The following MGAT4C variants were observed in gnomAD, a reference collection of about 807,000 sequenced individuals.
MGAT4C encodes MGAT4 family member C.
Under a neutral mutation model 40.1 loss-of-function variants are expected in MGAT4C, and 19 were observed. That is an observed-to-expected ratio of 0.47 (90% CI 0.33 to 0.70). MGAT4C has a LOEUF of 0.70. Among genes scored for constraint, MGAT4C ranks in the 30% least tolerant of loss-of-function variants. The pLI is 0.02. For synonymous variants in MGAT4C, 181 were observed against 187.1 expected (o/e 0.97, Z 0.27); for missense variants, 491 against 563.2 (o/e 0.87, Z 1.30).
At chr12:86,326,504 T>C (rs1013685878) in intron 4 of MGAT4C, among the ~76,000 whole-genome samples, 1 of 152,078 alleles carries the variant, frequency 6.6e-6, no homozygotes, top group Non-Finnish European at 1.5e-5. Context: ...CAAAGAGAAA[T>C]AAAGCATTAT....
At chr12:86,318,864 C>G (rs1954307759) in intron 4 of MGAT4C, among the ~76,000 whole-genome samples, 1 of 152,142 alleles carries the variant, frequency 6.6e-6, no homozygotes, top group African/African-American at 2.4e-5. Context: ...TTATCACTCT[C>G]AAGAGGTGAG....
chr12:86,111,986 A>T (rs527916843), intron 1 of MGAT4C, among the ~76,000 whole-genome samples: 1 of 152,010 alleles, frequency 6.6e-6, no homozygotes, highest in Non-Finnish European at 1.5e-5. Context: ...AATGCCAAAT[A>T]TGTATGTACA....
intron 2 of MGAT4C, among the ~76,000 whole-genome samples, chr12:86,669,639 T>C (rs1184431262): frequency 6.6e-6 from 1 of 152,248 alleles, no homozygotes; most frequent in Non-Finnish European, 1.5e-5. Flanking sequence ...TGTCTGCCAC[T>C]GGGGGACCTG....
At chr12:86,057,344 G>A (rs1893508820) in intron 1 of MGAT4C, among the ~76,000 whole-genome samples, 1 of 152,058 alleles carries the variant, frequency 6.6e-6, no homozygotes, top group South Asian at 2.1e-4. Context: ...ATGAAACTCT[G>A]CTGCCAAAAG....
At chr12:86,168,020 G>A (rs1018837723) in intron 1 of MGAT4C, among the ~76,000 whole-genome samples, 4 of 151,644 alleles carry the variant, frequency 2.6e-5, no homozygotes, top group Admixed American at 2.0e-4. Flanking sequence ...TTCATAAGAA[G>A]GTAGACCAAC....
chr12:86,478,081 G>A (rs1019634754), intron 2 of MGAT4C, among the ~76,000 whole-genome samples: 3 of 152,054 alleles, frequency 2.0e-5, no homozygotes, highest in Non-Finnish European at 4.4e-5. Context: ...CAAGATCACT[G>A]TAGATTAAAA....
rs1295190275 is a variant in MGAT4C, at chr12:85,965,863, A to T, written c.*13426T>A. On this transcript the variant is annotated 3_prime_UTR_variant, in exon 5 of 5. Coordinates refer to ENST00000611864, the MANE Select transcript of MGAT4C (RefSeq NM_001351288.2). ...TTTTACTTATCTGTATTATTTCTCC[A>T]TTTAAAAGTGGACAAATTTTTATAC... 5.3e-5 allele frequency: 8 copies of T among 152,088 alleles called. No individual in the cohort carries two copies. The highest frequency in any genetic ancestry group is 1.0e-4 in the Non-Finnish European group (7 of 68,020). 9.4% of individuals were successfully genotyped at this position (152,088 alleles called of 1,614,324 possible).
At chr12:86,447,463 A>G (rs1957359348) in intron 2 of MGAT4C, among the ~76,000 whole-genome samples, 2 of 152,192 alleles carry the variant, frequency 1.3e-5, no homozygotes, top group Non-Finnish European at 2.9e-5. Context: ...CAACTTGGCT[A>G]TCCAAGTAAC....
At chr12:86,181,128 G>A (rs189201277) in intron 1 of MGAT4C, among the ~76,000 whole-genome samples, 33 of 152,096 alleles carry the variant, frequency 2.2e-4, no homozygotes, top group Middle Eastern at 3.4e-3. Context: ...GTGTTTCCAC[G>A]TTTTCTTCTT....
In MGAT4C at chr12:86,608,863, C is replaced by T. The variant is rs974222481; in HGVS notation, c.-229+118346G>A. 3.0e-4 allele frequency among the ~76,000 whole-genome samples: 46 copies of T among 152,108 alleles called. 1 individual carries two copies. The highest frequency in any genetic ancestry group is 1.1e-3 in the African/African-American group (45 of 41,430). On this transcript the variant is annotated intron_variant, in intron 2 of 7. Coordinates refer to the MGAT4C transcript ENST00000548651. ...ATACATAGTGTTAGACTTTCTTGGT[C>T]TTTCTAGTCTTGTCTCAAACACTTT... is the stretch of plus-strand genomic sequence containing the variant.
At chr12:86,001,769 G>T in intron 2 of MGAT4C, 1 of 369,062 alleles carries the variant, frequency 2.7e-6, no homozygotes, top group Non-Finnish European at 3.8e-6. Flanking sequence ...TCCCTGAGCT[G>T]AAATATTTTC....
chr12:86,595,239 T>C (rs1387004877), intron 2 of MGAT4C, among the ~76,000 whole-genome samples: 1 of 152,166 alleles, frequency 6.6e-6, no homozygotes, highest in Non-Finnish European at 1.5e-5. Flanking sequence ...AAATAACCGT[T>C]CTTTTAAAAC....
chr12:86,107,434 A>G (rs1434009163), intron 1 of MGAT4C, among the ~76,000 whole-genome samples: 1 of 152,158 alleles, frequency 6.6e-6, no homozygotes, highest in African/African-American at 2.4e-5. Context: ...TTAAAACTAC[A>G]GAATAAGGGT....
chr12:86,317,009 C>T (rs1421180912), intron 4 of MGAT4C, among the ~76,000 whole-genome samples: 1 of 148,730 alleles, frequency 6.7e-6, no homozygotes, highest in Non-Finnish European at 1.5e-5. Context: ...GAAGAAAGGA[C>T]AGAAAAAAGA....
intron 1 of MGAT4C, among the ~76,000 whole-genome samples, chr12:86,782,545 A>G (rs1951864866): frequency 6.6e-6 from 1 of 152,078 alleles, no homozygotes; most frequent in Non-Finnish European, 1.5e-5. Flanking sequence ...TATCTCACGA[A>G]TGTTGTTATT....
At chr12:86,771,322 G>T (rs1951631169) in intron 1 of MGAT4C, among the ~76,000 whole-genome samples, 1 of 152,088 alleles carries the variant, frequency 6.6e-6, no homozygotes, top group Non-Finnish European at 1.5e-5. Context: ...ACTGAGAAGT[G>T]GGGTGCTACT....
chr12:86,232,358 T>C (rs2136018369), intron 1 of MGAT4C, among the ~76,000 whole-genome samples: 1 of 152,352 alleles, frequency 6.6e-6, no homozygotes, highest in African/African-American at 2.4e-5. Context: ...GAAATTTTTT[T>C]TCTCAAATAC....
At position 86,511,963 on chromosome 12, in the gene MGAT4C, T is replaced by G. The variant is rs143326612; in HGVS notation, c.-228-76698A>C. On this transcript the variant is annotated intron_variant, in intron 2 of 7. Coordinates refer to the MGAT4C transcript ENST00000548651. Reference sequence around the variant, plus strand: ...ATTAATAGATTGAAAAGGCAATTTATGAATTTGGAGAAAATATTTGCAATC... The same window carrying G: ...ATTAATAGATTGAAAAGGCAATTTAGGAATTTGGAGAAAATATTTGCAATC... 1.9e-3 allele frequency among the ~76,000 whole-genome samples: 285 copies of G among 152,230 alleles called. 8 individuals are homozygous for G. The East Asian group carries it at 0.048, about 26-fold the overall frequency.
intron 4 of MGAT4C, among the ~76,000 whole-genome samples, chr12:86,267,385 C>A (rs1952816121): frequency 6.6e-6 from 1 of 151,940 alleles, no homozygotes; most frequent in African/African-American, 2.4e-5. Context: ...AGATGTTCAC[C>A]ATCATGAAGA....
Sources: allele counts gnomAD v4.1 joint callset (sites outside exome capture counted in the v4.1 genomes callset), GRCh38; gene constraint gnomAD v4.1.1; transcripts MANE v1.5; gene names NCBI Gene and HGNC (gene_info 2026-07-23, HGNC 2026-07-21).